The following RAB11FIP3 variants were observed in gnomAD, a reference collection of about 807,000 sequenced individuals.
RAB11FIP3 encodes rab11 family-interacting protein 3.
Under a neutral mutation model 77.8 loss-of-function variants are expected in RAB11FIP3, and 17 were observed. That is an observed-to-expected ratio of 0.22 (90% CI 0.15 to 0.33). The LOEUF is 0.33. RAB11FIP3 is among the 10% of genes least tolerant of loss of function. The pLI is 1.00. For synonymous variants in RAB11FIP3, 437 were observed against 448.2 expected (o/e 0.98, Z 0.31); for missense variants, 1,005 against 1,011.2 (o/e 0.99, Z 0.08).
chr16:497,501 G>A lies in RAB11FIP3; in HGVS notation c.1301+642G>A, dbSNP rs184882579. 7.7e-4 allele frequency: 907 copies of A among 1,184,068 alleles called. 1 individual carries two copies. The highest frequency in any genetic ancestry group is 3.3e-3 in the South Asian group (211 of 63,544). 73.3% of individuals were successfully genotyped at this position (1,184,068 alleles called of 1,614,324 possible). On this transcript the variant is annotated intron_variant, in intron 6 of 13. Coordinates refer to ENST00000262305, the MANE Select transcript of RAB11FIP3 (RefSeq NM_014700.4). ...GCCTTCCTAGTCCCCGTCCTGCTTC[G>A]TGGCCCGGCATCTGGCAGGGCTGGG...
intron 9 of RAB11FIP3, 126 bp downstream of exon 9, chr16:510,926 C>T (rs2032119257): frequency 1.6e-6 from 2 of 1,251,866 alleles, no homozygotes; most frequent in South Asian, 1.5e-5. Context: ...CCCGCCAACC[C>T]CAGAACCTGC....
intron 1 of RAB11FIP3, among the ~76,000 whole-genome samples, chr16:459,455 C>A (rs1243449024): frequency 6.7e-5 from 8 of 119,054 alleles, no homozygotes; most frequent in Non-Finnish European, 1.0e-4. Flanking sequence ...TTTTTTTTAG[C>A]AGACAAATTC....
chr16:511,524 C>T (rs1435282973), intron 9 of RAB11FIP3, among the ~76,000 whole-genome samples: 1 of 101,122 alleles, frequency 9.9e-6, no homozygotes, highest in Admixed American at 9.6e-5. Context: ...ACCTGCAGGC[C>T]AGGTAGGAGA....
chr16:520,734 G>C lies in RAB11FIP3; in HGVS notation c.2166G>C (p.Glu722Asp), dbSNP rs1371231935. ...ACCTGCTTGCCCTACAGCTCATGGA[G>C]GCGATTCAGAAGCAGGAGGAGATCA... is the stretch of plus-strand genomic sequence containing the variant. Reference protein sequence around the residue: ...ISSVSRDELMEAIQKQEEINF... With the variant: ...ISSVSRDELMDAIQKQEEINF... The change falls in exon 14 of 14, where the codon GAG becomes GAC. Residue 722 changes from glutamate (E) to aspartate (D), a missense_variant. By Grantham distance (45) the Glu-to-Asp change is conservative. Coordinates refer to ENST00000262305, the MANE Select transcript of RAB11FIP3 (RefSeq NM_014700.4). 3 of 1,613,538 alleles carry C rather than the reference G, an allele frequency of 1.9e-6. No homozygotes were observed. The highest frequency in any genetic ancestry group is 2.5e-6 in the Non-Finnish European group (3 of 1,180,014).
At chr16:492,718 A>G (rs1207922196) in intron 5 of RAB11FIP3, among the ~76,000 whole-genome samples, 5 of 152,168 alleles carry the variant, frequency 3.3e-5, no homozygotes, top group Admixed American at 2.6e-4. Flanking sequence ...AGTTGAGTGC[A>G]AGCATGTCAT....
At chr16:508,986 C>G (rs1180195655) in intron 8 of RAB11FIP3, among the ~76,000 whole-genome samples, 1 of 151,900 alleles carries the variant, frequency 6.6e-6, no homozygotes, top group Non-Finnish European at 1.5e-5. Context: ...TCAGTGCAAC[C>G]TCTGCCTCCT....
chr16:483,213 C>T (rs1255000889), intron 4 of RAB11FIP3, among the ~76,000 whole-genome samples: 2 of 152,166 alleles, frequency 1.3e-5, no homozygotes, highest in Non-Finnish European at 2.9e-5. Flanking sequence ...CAGTGGCTCA[C>T]GTGGACCTGC....
At position 461,073 on chromosome 16, in the gene RAB11FIP3, T is replaced by A. The variant is rs2055596778; in HGVS notation, c.715-331T>A. Among the ~76,000 whole-genome samples the A allele has an allele frequency of 6.6e-6, 1 of 151,878 alleles. No homozygotes were observed. Among genetic ancestry groups the A allele is most frequent in the Admixed American group, 6.5e-5 (1 of 15,276 alleles). On this transcript the variant is annotated intron_variant, in intron 1 of 13. Transcript: ENST00000262305. This position sits in a 1 kb window ranked among gnomAD's most constrained non-coding sequence, Gnocchi z 4.5. Reference sequence around the variant, plus strand: ...TTCTTGGCACCAGGGATTGGTTTCATAGAAGACGCCTTTCCACAGACGGGC... The same window carrying A: ...TTCTTGGCACCAGGGATTGGTTTCAAAGAAGACGCCTTTCCACAGACGGGC...
intron 3 of RAB11FIP3, among the ~76,000 whole-genome samples, chr16:474,638 CCTT>C (rs2055867909): frequency 6.6e-6 from 1 of 152,172 alleles, no homozygotes. Flanking sequence ...CGTCCTCCCT[CCTT>C]CTCCCACTAC....
At position 505,870 on chromosome 16, in the gene RAB11FIP3, G is replaced by C. The variant is rs1469320759; in HGVS notation, c.1499+243G>C. On this transcript the variant is annotated intron_variant, in intron 8 of 13. Coordinates refer to ENST00000262305, the MANE Select transcript of RAB11FIP3 (RefSeq NM_014700.4). The surrounding 1 kb of genome is among the most constrained non-coding windows in gnomAD (Gnocchi z 4.0). ...CCTAGACACACAGAGGGCCAGAGGAGGGCACTGCCTCCCTCTCGGGAGCGC... is the reference window on the plus strand; with the variant it reads ...CCTAGACACACAGAGGGCCAGAGGACGGCACTGCCTCCCTCTCGGGAGCGC... 1.3e-5 allele frequency among the ~76,000 whole-genome samples: 2 copies of C among 152,162 alleles called. No individual in the cohort carries two copies. Among genetic ancestry groups the C allele is most frequent in the Non-Finnish European group, 2.9e-5 (2 of 68,024 alleles).
At chr16:489,904 C>T (rs889127439) in intron 5 of RAB11FIP3, among the ~76,000 whole-genome samples, 11 of 152,324 alleles carry the variant, frequency 7.2e-5, no homozygotes, top group African/African-American at 2.2e-4. Flanking sequence ...CTGGTCCCGG[C>T]GAGCGTCCTG....
Position 471,238 on chromosome 16 carries a change from G to A in RAB11FIP3, c.809-57G>A, listed in dbSNP as rs1004605105. On this transcript the variant is annotated intron_variant, in intron 2 of 13. Transcript: ENST00000262305. The surrounding 1 kb of genome is among the most constrained non-coding windows in gnomAD (Gnocchi z 4.4). ...CCAGGGAGTCCCGAGGCCGCCAGGGGTCCCGTCACTGGGTGGCTATGGGTG... is the reference window on the plus strand; with the variant it reads ...CCAGGGAGTCCCGAGGCCGCCAGGGATCCCGTCACTGGGTGGCTATGGGTG... 3.4e-6 allele frequency: 5 copies of A among 1,489,544 alleles called. No individual in the cohort carries two copies. The highest frequency in any genetic ancestry group is 3.7e-6 in the Non-Finnish European group (4 of 1,072,062). 92.3% of individuals were successfully genotyped at this position (1,489,544 alleles called of 1,614,324 possible).
At chr16:487,685 G>A (rs1295134892) in intron 4 of RAB11FIP3, among the ~76,000 whole-genome samples, 6 of 152,138 alleles carry the variant, frequency 3.9e-5, no homozygotes, top group African/African-American at 1.2e-4. Context: ...GGACTCCTGC[G>A]GGAGGGTGGG....
rs770107701 is a variant in RAB11FIP3, at chr16:426,772, C to A, written c.714+52C>A. 1 of 1,412,986 alleles carries A rather than the reference C, an allele frequency of 7.1e-7. No homozygotes were observed. Among genetic ancestry groups the A allele is most frequent in the Non-Finnish European group, 9.4e-7 (1 of 1,068,014 alleles). 87.5% of individuals were successfully genotyped at this position (1,412,986 alleles called of 1,614,324 possible). A position where few individuals can be genotyped will look rare whatever the true frequency, so the allele number is the denominator to read the frequency against. On this transcript the variant is annotated intron_variant, in intron 1 of 13. Coordinates refer to ENST00000262305, the MANE Select transcript of RAB11FIP3 (RefSeq NM_014700.4). This position sits in a 1 kb window ranked among gnomAD's most constrained non-coding sequence, Gnocchi z 5.0. ...GGGAACTGGGCAGGTGCGCGCTGGC[C>A]GGCGGGGTTGATGTGGGACCGGTCG... is the stretch of plus-strand genomic sequence containing the variant.
chr16:515,195 A>G (rs1407931233), intron 9 of RAB11FIP3, among the ~76,000 whole-genome samples: 2 of 152,228 alleles, frequency 1.3e-5, no homozygotes, highest in Non-Finnish European at 2.9e-5. Context: ...CTCTTTGCTT[A>G]TCTGTAGTTT....
intron 5 of RAB11FIP3, chr16:491,156 C>T (rs1331328655): frequency 6.9e-6 from 9 of 1,303,196 alleles, no homozygotes; most frequent in Non-Finnish European, 9.1e-6. Context: ...TGCCGCAAAG[C>T]TGCACAGCAT....
In RAB11FIP3 at chr16:506,094, G is replaced by A. The variant is rs2031859054; in HGVS notation, c.1499+467G>A. On this transcript the variant is annotated intron_variant, in intron 8 of 13. Transcript: ENST00000262305. The surrounding 1 kb of genome is among the most constrained non-coding windows in gnomAD (Gnocchi z 4.5). ...GACTGCTGAGTACGCGACAGGACGC[G>A]CAGTCTCATCGCTGTGGGCAGGAGT... 1.3e-5 allele frequency among the ~76,000 whole-genome samples: 2 copies of A among 152,240 alleles called. No individual in the cohort carries two copies. The highest frequency in any genetic ancestry group is 2.4e-5 in the African/African-American group (1 of 41,466).
intron 1 of RAB11FIP3, among the ~76,000 whole-genome samples, chr16:435,170 A>G (rs1446000652): frequency 1.3e-5 from 2 of 150,092 alleles, no homozygotes; most frequent in Non-Finnish European, 3.0e-5. Context: ...TTGCCACTGC[A>G]CTCCAGCCTG....
chr16:487,758 G>T (rs934311929), intron 4 of RAB11FIP3, among the ~76,000 whole-genome samples: 2 of 152,200 alleles, frequency 1.3e-5, no homozygotes, highest in African/African-American at 4.8e-5. Flanking sequence ...GCCCCCGGCC[G>T]CTGTGTTTTC....
Sources: allele counts gnomAD v4.1 joint callset (sites outside exome capture counted in the v4.1 genomes callset), GRCh38; gene constraint gnomAD v4.1.1; non-coding constraint Gnocchi (gnomAD v3.1); transcripts MANE v1.5; gene names NCBI Gene and HGNC (gene_info 2026-07-23, HGNC 2026-07-21).